HPF1: variants seen among roughly 807,000 people sequenced by gnomAD.
HPF1 encodes histone PARylation factor 1.
In HPF1, 35 loss-of-function variants were observed where a neutral mutation model predicts 38.8. That is an observed-to-expected ratio of 0.90 (90% confidence interval 0.69 to 1.19). The LOEUF (loss-of-function observed/expected upper bound fraction) is 1.19. Ranked by LOEUF, HPF1 falls within the 50% of genes most tolerant of loss-of-function variation. The probability of loss-of-function intolerance (pLI) is 0.00; values close to 1 mark genes in which losing one functional copy is unlikely to be tolerated. For missense variants in HPF1, 367 were observed against 405.8 expected (o/e 0.90, Z 0.82); for synonymous variants, 115 against 139.2 (o/e 0.83, Z 1.22).
At chr4:169,733,324 C>T (rs1733853299) in intron 6 of HPF1, among the ~76,000 whole-genome samples, 1 of 152,102 alleles carries the variant, frequency 6.6e-6, no homozygotes, top group South Asian at 2.1e-4. Context: ...TTTCAGGACG[C>T]AAATGAGATG....
chr4:169,743,897 A>G lies in HPF1; in HGVS notation c.498-1790T>C, dbSNP rs547109196. On this transcript the variant is annotated intron_variant, in intron 4 of 7. Transcript: ENST00000393381. The stretch of plus-strand genomic sequence containing the variant: ...TTATCAGGAAAAAAAAAAGGCACAG[A>G]GGATAGTCAACTTACCCAAGTTGAG... 1.7e-3 allele frequency among the ~76,000 whole-genome samples: 257 copies of G among 151,866 alleles called. 1 individual carries two copies. Among genetic ancestry groups the G allele is most frequent in the Non-Finnish European group, 3.1e-3 (211 of 67,910 alleles).
At chr4:169,748,228 A>AAGG (rs1286525863) in intron 4 of HPF1, among the ~76,000 whole-genome samples, 8 of 152,234 alleles carry the variant, frequency 5.3e-5, no homozygotes, top group African/African-American at 1.7e-4. Context: ...GAGGTCAAGT[A>AAGG]TTATTTTCGT....
At chr4:169,736,160 C>T (rs1237799256) in intron 6 of HPF1, among the ~76,000 whole-genome samples, 2 of 151,604 alleles carry the variant, frequency 1.3e-5, no homozygotes, top group African/African-American at 2.4e-5. Flanking sequence ...GGGTTGATCA[C>T]GTGAGCCCAG....
intron 5 of HPF1, 46 bp from the exon 6 acceptor site, chr4:169,737,793 CAAA>C: frequency 2.1e-6 from 2 of 963,226 alleles, no homozygotes; most frequent in Non-Finnish European, 3.1e-6. Context: ...AAGCAGACAT[CAAA>C]AAAAAAAATC....
At chr4:169,753,612 C>T (rs914553102) in intron 2 of HPF1, 64 bp downstream of exon 2, 20 of 1,410,548 alleles carry the variant, frequency 1.4e-5, no homozygotes, top group Non-Finnish European at 2.0e-5. Flanking sequence ...AGCCACCACA[C>T]CCAGCTGGTT....
intron 1 of HPF1, 45 bp from the exon 2 acceptor site, chr4:169,753,880 T>C: frequency 6.8e-7 from 1 of 1,480,490 alleles, no homozygotes; most frequent in East Asian, 2.3e-5. Context: ...TTTCAGTAAC[T>C]CTCCTTGCAT....
intron 3 of HPF1, among the ~76,000 whole-genome samples, chr4:169,749,441 T>C (rs10020331): frequency 0.66 from 100,513 of 151,988 alleles, 37,593 homozygotes; most frequent in East Asian, 0.91. Context: ...TACATTGTAG[T>C]GGTAGGAATA....
intron 2 of HPF1, among the ~76,000 whole-genome samples, chr4:169,752,747 C>T (rs937348262): frequency 6.6e-5 from 10 of 152,102 alleles, no homozygotes; most frequent in African/African-American, 2.2e-4. Flanking sequence ...AAGCCATTTC[C>T]CATTTTTTCT....
intron 6 of HPF1, among the ~76,000 whole-genome samples, chr4:169,735,025 G>C (rs1310350783): frequency 1.3e-5 from 2 of 151,774 alleles, no homozygotes; most frequent in African/African-American, 4.8e-5. Flanking sequence ...TACTCAGGAG[G>C]CTGAGGCAGG....
intron 1 of HPF1, 39 bp downstream of exon 1, chr4:169,757,791 A>G (rs758040549): frequency 9.1e-6 from 14 of 1,537,502 alleles, no homozygotes; most frequent in Non-Finnish European, 1.1e-5. Context: ...CTGTCACCCA[A>G]AGCGCCCCGC....
intron 2 of HPF1, among the ~76,000 whole-genome samples, chr4:169,751,595 C>G (rs1397976799): frequency 6.6e-6 from 1 of 152,024 alleles, no homozygotes; most frequent in Non-Finnish European, 1.5e-5. Context: ...GAAGTCTGTG[C>G]AAGTGTACAA....
chr4:169,747,554 T>C (rs1277515278), intron 4 of HPF1, among the ~76,000 whole-genome samples: 1 of 152,134 alleles, frequency 6.6e-6, no homozygotes, highest in Non-Finnish European at 1.5e-5. Context: ...AGTGATAAAG[T>C]TTGCTTTCTT....
intron 2 of HPF1, 45 bp from the exon 3 acceptor site, chr4:169,750,770 G>T: frequency 7.4e-7 from 1 of 1,357,394 alleles, no homozygotes; most frequent in Non-Finnish European, 1.0e-6. Context: ...GAGACAGGTA[G>T]GAAATAATGC....
chr4:169,743,445 GAGAC>G (rs1734006468), intron 4 of HPF1, among the ~76,000 whole-genome samples: 1 of 103,240 alleles, frequency 9.7e-6, no homozygotes, highest in Non-Finnish European at 1.8e-5. Context: ...CATTTTTAAA[GAGAC>G]AGGACACTAT....
At chr4:169,753,403 AC>A (rs1445797038) in intron 2 of HPF1, among the ~76,000 whole-genome samples, 4 of 152,192 alleles carry the variant, frequency 2.6e-5, no homozygotes, top group African/African-American at 9.6e-5. Context: ...GCTCACTGCA[AC>A]CTCAAACCAC....
intron 2 of HPF1, among the ~76,000 whole-genome samples, chr4:169,753,051 T>C (rs1370140164): frequency 6.9e-6 from 1 of 144,350 alleles, no homozygotes; most frequent in African/African-American, 2.7e-5. Context: ...TTTTTTTTTC[T>C]GAGACAGGGT....
Position 169,738,896 on chromosome 4 carries a change from A to G in HPF1, c.649-1149T>C, listed in dbSNP as rs368129733. Among the ~76,000 whole-genome samples the G allele has an allele frequency of 1.4e-4, 21 of 151,780 alleles. 1 individual carries two copies. The highest frequency in any genetic ancestry group is 3.4e-4 in the African/African-American group (14 of 41,394). Reference sequence around the variant, plus strand: ...CAGCAAACTACCACAAGGACAAAAAACCAAACACTACATGTTCTCACTCAT... The same window carrying G: ...CAGCAAACTACCACAAGGACAAAAAGCCAAACACTACATGTTCTCACTCAT... On this transcript the variant is annotated intron_variant, in intron 5 of 7. Transcript: ENST00000393381.
chr4:169,748,680 C>A, intron 4 of HPF1, 64 bp downstream of exon 4: 1 of 778,896 alleles, frequency 1.3e-6, no homozygotes, highest in Non-Finnish European at 2.0e-6. Flanking sequence ...CCCCTCAAAC[C>A]CCCTTTGTAA....
rs765318334 is a variant in HPF1, at chr4:169,742,075, G to C, written c.530C>G (p.Thr177Arg). 1 of 1,610,258 alleles carries C rather than the reference G, an allele frequency of 6.2e-7. No homozygotes were observed. The change falls in exon 5 of 8, where the codon ACG becomes AGG. Residue 177 changes from threonine to arginine, a missense_variant. Transcript: ENST00000393381. ...CAAGAGATTGATTTTCTTTTTATCCGTTATTTCTCTAAGTTTTTTCGTCAA... is the reference window on the plus strand; with the variant it reads ...CAAGAGATTGATTTTCTTTTTATCCCTTATTTCTCTAAGTTTTTTCGTCAA... ...LFLTKKLREI[T>R]DKKKINLLKN...
Sources: gnomAD v4.1 joint callset for allele counts (sites outside exome capture counted in the v4.1 genomes callset) on GRCh38, gnomAD v4.1.1 for gene constraint, MANE v1.5 for transcripts, NCBI Gene and HGNC (gene_info 2026-07-23, HGNC 2026-07-21) for gene names.